Variants in ROBO1 observed in about 807,000 individuals in gnomAD.
ROBO1 encodes roundabout guidance receptor 1.
A neutral mutation model predicts 195.9 loss-of-function variants in ROBO1; 149 were observed. The observed-to-expected ratio is 0.76, with a 90% CI of 0.67 to 0.87. ROBO1 has a LOEUF of 0.87. Ranked by LOEUF, ROBO1 falls within the 40% of genes least tolerant of loss-of-function variation. The pLI is 0.00. For missense variants in ROBO1, 1,933 were observed against 2,068.3 expected (o/e 0.93, Z 1.27); for synonymous variants, 816 against 733.2 (o/e 1.11, Z -1.82).
At chr3:78,602,064 GTGTA>G (rs893638639) in intron 29 of ROBO1, among the ~76,000 whole-genome samples, 24 of 150,600 alleles carry the variant, frequency 1.6e-4, no homozygotes, top group Non-Finnish European at 2.8e-4. Flanking sequence ...GTGTGTGTGT[GTGTA>G]TATATATAGA....
chr3:78,667,031 AT>A (rs898735430), intron 14 of ROBO1, among the ~76,000 whole-genome samples: 1 of 152,012 alleles, frequency 6.6e-6, no homozygotes, highest in African/African-American at 2.4e-5. Flanking sequence ...CAATGACGTG[AT>A]TTTTTTCCAA....
chr3:79,095,463 G>T (rs1452412383), intron 3 of ROBO1, among the ~76,000 whole-genome samples: 2 of 151,974 alleles, frequency 1.3e-5, no homozygotes, highest in Non-Finnish European at 2.9e-5. Context: ...ACCAGCCACT[G>T]GTGACTAGCT....
Position 79,668,385 on chromosome 3 carries a change from T to C in ROBO1, c.-50-78424A>G, listed in dbSNP as rs1946532403. Among the ~76,000 whole-genome samples the C allele has an allele frequency of 2.0e-5, 3 of 147,702 alleles. 1 individual carries two copies. In the South Asian group the frequency reaches 6.5e-4, roughly 32 times the overall value. ...ACTCAGTATTTTTATAAATTAATAT[T>C]AAGTTTCTTGACTAGATTATAAATA... On this transcript the variant is annotated intron_variant, in intron 1 of 30. Transcript: ENST00000464233.
chr3:79,620,560 C>A (rs991155532), intron 1 of ROBO1, among the ~76,000 whole-genome samples: 3 of 152,006 alleles, frequency 2.0e-5, no homozygotes, highest in Non-Finnish European at 4.4e-5. Flanking sequence ...TCCACCTGCC[C>A]AGCTCCCTTA....
intron 2 of ROBO1, among the ~76,000 whole-genome samples, chr3:79,221,019 A>T (rs1000854444): frequency 2.6e-5 from 4 of 152,064 alleles, no homozygotes; most frequent in Admixed American, 6.6e-5. Context: ...GACATTACCA[A>T]ATGCTTTTGG....
intron 1 of ROBO1, among the ~76,000 whole-genome samples, chr3:79,663,068 T>C (rs927550988): frequency 6.6e-6 from 1 of 152,122 alleles, no homozygotes; most frequent in Non-Finnish European, 1.5e-5. Context: ...TAAGTGAAGT[T>C]ATTTTCTTTA....
intron 1 of ROBO1, among the ~76,000 whole-genome samples, chr3:79,658,036 T>C (rs902305227): frequency 1.5e-4 from 23 of 151,990 alleles, no homozygotes; most frequent in Non-Finnish European, 2.5e-4. Context: ...AGACAAGCAA[T>C]TGCAGGTAAG....
At chr3:78,941,546 G>C (rs1303763399) in intron 3 of ROBO1, among the ~76,000 whole-genome samples, 1 of 152,162 alleles carries the variant, frequency 6.6e-6, no homozygotes, top group Non-Finnish European at 1.5e-5. Context: ...CTAGAAAATA[G>C]GGATATATAG....
intron 3 of ROBO1, among the ~76,000 whole-genome samples, chr3:79,117,514 G>A (rs559846485): frequency 6.6e-6 from 1 of 152,278 alleles, no homozygotes; most frequent in African/African-American, 2.4e-5. Context: ...TGACCATGTT[G>A]AATAGAGTGC....
chr3:79,445,175 G>T (rs1462550172), intron 2 of ROBO1, among the ~76,000 whole-genome samples: 1 of 122,944 alleles, frequency 8.1e-6, no homozygotes, highest in African/African-American at 3.7e-5. Flanking sequence ...ACCTAGTTCA[G>T]GTTTTAAGTC....
chr3:79,510,627 G>A (rs916108153), intron 2 of ROBO1, among the ~76,000 whole-genome samples: 2 of 149,808 alleles, frequency 1.3e-5, no homozygotes, highest in African/African-American at 4.9e-5. Flanking sequence ...CTCATAAAAT[G>A]TTGCAGTGAT....
chr3:79,506,417 G>T (rs1309807454), intron 2 of ROBO1, among the ~76,000 whole-genome samples: 1 of 151,984 alleles, frequency 6.6e-6, no homozygotes, highest in Non-Finnish European at 1.5e-5. Context: ...GATGCCAACA[G>T]TAAGTTTCAA....
chr3:79,568,532 C>T (rs1350276072), intron 2 of ROBO1, among the ~76,000 whole-genome samples: 1 of 144,954 alleles, frequency 6.9e-6, no homozygotes, highest in African/African-American at 2.6e-5. Context: ...CTCATTGGGA[C>T]GCTTGCCTTC....
chr3:78,711,432 TTTCTTTCTTTCCTTCCTTCCTTCC>T lies in ROBO1; in HGVS notation c.1045+2941_1045+2964del, dbSNP rs1215140200. ...CTTTCTTTCTTTCTTTCTTTCTTTC[TTTCTTTCTTTCCTTCCTTCCTTCC>T]TTCCTTCCTTTTCTCTCTTTCTCTC... is the stretch of plus-strand genomic sequence containing the variant. On this transcript the variant is annotated intron_variant, in intron 8 of 30. Transcript: ENST00000464233. 1.7e-4 allele frequency among the ~76,000 whole-genome samples: 15 copies of T among 88,620 alleles called. 1 individual carries two copies. Among genetic ancestry groups the T allele is most frequent in the African/African-American group, 5.1e-4 (12 of 23,708 alleles). The allele number at this position is 88,620 out of a possible 152,430, so 58.1% of individuals were successfully genotyped here.
chr3:79,615,632 A>G (rs1434527353), intron 1 of ROBO1, among the ~76,000 whole-genome samples: 1 of 152,208 alleles, frequency 6.6e-6, no homozygotes, highest in Non-Finnish European at 1.5e-5. Flanking sequence ...GAGGATTCAC[A>G]CTACCTGATT....
At chr3:79,351,834 A>G (rs537504509) in intron 2 of ROBO1, among the ~76,000 whole-genome samples, 1 of 152,194 alleles carries the variant, frequency 6.6e-6, no homozygotes, top group African/African-American at 2.4e-5. Flanking sequence ...TGGGAAATTA[A>G]AAGGAGGGCA....
chr3:79,656,489 A>G (rs1186124984), intron 1 of ROBO1, among the ~76,000 whole-genome samples: 1 of 152,126 alleles, frequency 6.6e-6, no homozygotes, highest in Non-Finnish European at 1.5e-5. Context: ...ACTTTATTGA[A>G]TGAGACATTT....
At chr3:79,566,603 T>A (rs1943097625) in intron 2 of ROBO1, among the ~76,000 whole-genome samples, 1 of 152,096 alleles carries the variant, frequency 6.6e-6, no homozygotes. Context: ...ATTTGTGGCA[T>A]CATCATCTTA....
At chr3:79,728,693 T>C (rs1703027007) in intron 1 of ROBO1, among the ~76,000 whole-genome samples, 1 of 152,160 alleles carries the variant, frequency 6.6e-6, no homozygotes, top group East Asian at 1.9e-4. Flanking sequence ...ATTTCTCTGG[T>C]TAATTTTCAA....
Sources: allele counts gnomAD v4.1 joint callset (sites outside exome capture counted in the v4.1 genomes callset), GRCh38; gene constraint gnomAD v4.1.1; transcripts MANE v1.5; gene names NCBI Gene and HGNC (gene_info 2026-07-23, HGNC 2026-07-21).